UBE2G2: variants seen among roughly 807,000 people sequenced by gnomAD.
UBE2G2 encodes the protein ubiquitin-conjugating enzyme E2 G2.
A neutral mutation model predicts 23.0 loss-of-function variants in UBE2G2; 10 were observed. The ratio of observed to expected loss-of-function variants is 0.43; its 90% CI spans 0.27 to 0.74. UBE2G2 has a LOEUF of 0.74. Ranked by LOEUF, UBE2G2 falls within the 30% of genes least tolerant of loss-of-function variation. The probability of loss-of-function intolerance (pLI) is 0.19; values close to 1 mark genes in which losing one functional copy is unlikely to be tolerated. For synonymous variants in UBE2G2, 86 were observed against 81.3 expected, an observed-to-expected ratio of 1.06 and a Z score of -0.31; for missense variants, 150 against 218.3, an observed-to-expected ratio of 0.69 and a Z score of 1.97.
Position 44,771,134 on chromosome 21 carries a change from A to C in UBE2G2, c.*243T>G. 1 of 496,136 alleles carries C rather than the reference A, an allele frequency of 2.0e-6. No individual in the cohort carries two copies. Among genetic ancestry groups the C allele is most frequent in the Non-Finnish European group, 3.6e-6 (1 of 278,044 alleles). The allele number at this position is 496,136 out of a possible 1,614,324, so 30.7% of individuals were successfully genotyped here. On this transcript the variant is annotated 3_prime_UTR_variant, in exon 6 of 6. Coordinates refer to ENST00000345496, the MANE Select transcript of UBE2G2 (RefSeq NM_003343.6). The surrounding 1 kb of genome is among the most constrained non-coding windows in gnomAD (Gnocchi z 4.6). ...GTAGTGCTGACAGCTCTGATAATCT[A>C]CCTGAAGCCCTTTGTGAGGAATACT...
intron 1 of UBE2G2, 129 bp from the exon 2 acceptor site, chr21:44,788,224 G>A: frequency 1.2e-6 from 1 of 829,956 alleles, no homozygotes; most frequent in Non-Finnish European, 1.8e-6. Flanking sequence ...TGAAAATTCT[G>A]TTTGCCCAAA....
At chr21:44,780,618 G>C (rs903649958) in intron 3 of UBE2G2, among the ~76,000 whole-genome samples, 5 of 152,216 alleles carry the variant, frequency 3.3e-5, no homozygotes, top group African/African-American at 1.2e-4. Context: ...AGGCACGCTT[G>C]CAACAGCTCA....
At position 44,771,638 on chromosome 21, in the gene UBE2G2, C is replaced by T. The variant is rs1395855728; in HGVS notation, c.386-149G>A. On this transcript the variant is annotated intron_variant, in intron 5 of 5. Coordinates refer to ENST00000345496, the MANE Select transcript of UBE2G2 (RefSeq NM_003343.6). This position sits in a 1 kb window ranked among gnomAD's most constrained non-coding sequence, Gnocchi z 4.6. ...ACCTGAGAACTGCATGGGGTCGGCCCCACCTCTAGAGTGCTGGCCACGCAG... is the reference window on the plus strand; with the variant it reads ...ACCTGAGAACTGCATGGGGTCGGCCTCACCTCTAGAGTGCTGGCCACGCAG... 8.7e-6 allele frequency: 7 copies of T among 801,192 alleles called. No individual in the cohort carries two copies. The African/African-American group carries it at 1.0e-4, about 12-fold the overall frequency. The allele number at this position is 801,192 out of a possible 1,614,324, so 49.6% of individuals were successfully genotyped here.
At chr21:44,784,374 T>A (rs1266299723) in intron 3 of UBE2G2, among the ~76,000 whole-genome samples, 1 of 152,192 alleles carries the variant, frequency 6.6e-6, no homozygotes, top group Non-Finnish European at 1.5e-5. Context: ...TCTATATAGA[T>A]GCTCCATAAA....
chr21:44,799,586 AAG>A (rs2083119302), intron 1 of UBE2G2, among the ~76,000 whole-genome samples: 2 of 152,342 alleles, frequency 1.3e-5, no homozygotes, highest in Non-Finnish European at 2.9e-5. Context: ...CATAAAACTG[AAG>A]AGTTAGGACC....
chr21:44,794,934 T>A (rs191792119), intron 1 of UBE2G2, among the ~76,000 whole-genome samples: 6 of 152,304 alleles, frequency 3.9e-5, no homozygotes, highest in Admixed American at 3.9e-4. Flanking sequence ...ACACGTGAAA[T>A]GATGCTCAAC....
chr21:44,794,844 A>C (rs1463668136), intron 1 of UBE2G2, among the ~76,000 whole-genome samples: 1 of 152,138 alleles, frequency 6.6e-6, no homozygotes, highest in Non-Finnish European at 1.5e-5. Flanking sequence ...AAGAACTAAA[A>C]CTTAAGAAAA....
In UBE2G2 at chr21:44,777,428, T is replaced by TA. The variant is rs1569294398; in HGVS notation, c.126-12dup. The TA allele has an allele frequency of 6.2e-7, 1 of 1,610,770 alleles. No homozygotes were observed. ...GTGTCTTCTGGGCCCCTAGAAGATA[T>TA]AAAATACGTAGACTGAACTTCAAAG... On this transcript the variant is annotated splice_polypyrimidine_tract_variant and intron_variant, in intron 3 of 5. Transcript: ENST00000345496.
At chr21:44,787,175 C>T (rs1351385350) in intron 3 of UBE2G2, among the ~76,000 whole-genome samples, 2 of 151,870 alleles carry the variant, frequency 1.3e-5, no homozygotes, top group African/African-American at 4.8e-5. Flanking sequence ...TTTTATTTAA[C>T]CTCACTTTGC....
chr21:44,773,806 G>C, intron 4 of UBE2G2, 119 bp from the exon 5 acceptor site: 1 of 1,373,820 alleles, frequency 7.3e-7, no homozygotes, highest in Non-Finnish European at 9.8e-7. Context: ...CAAGCTGTTT[G>C]CACAGCTGGG....
chr21:44,791,581 C>T (rs188827076), intron 1 of UBE2G2, among the ~76,000 whole-genome samples: 139 of 152,358 alleles, frequency 9.1e-4, no homozygotes, highest in Non-Finnish European at 1.8e-3. Flanking sequence ...GGAACCTTCA[C>T]CTACATTTCA....
intron 1 of UBE2G2, chr21:44,800,680 C>G (rs1434404578): frequency 1.3e-5 from 2 of 152,200 alleles, no homozygotes; most frequent in Non-Finnish European, 2.9e-5. Context: ...TCTGCTTAAG[C>G]CAAACATCAA....
At chr21:44,788,375 C>T (rs1250018794) in intron 1 of UBE2G2, among the ~76,000 whole-genome samples, 11 of 151,348 alleles carry the variant, frequency 7.3e-5, no homozygotes, top group African/African-American at 2.4e-4. Context: ...CTGCAAGCTC[C>T]ACCTCCCAGG....
At chr21:44,801,299 C>T in intron 1 of UBE2G2, 1 of 1,024,008 alleles carries the variant, frequency 9.8e-7, no homozygotes, top group Non-Finnish European at 1.2e-6. Flanking sequence ...AAAGCTCCAC[C>T]AACGAGCCTT....
chr21:44,773,732 G>A (rs782115130), intron 4 of UBE2G2, 45 bp from the exon 5 acceptor site: 28 of 1,596,644 alleles, frequency 1.8e-5, no homozygotes, highest in East Asian at 4.5e-5. Context: ...AATGGTGCCC[G>A]AGGCATCGCC....
In UBE2G2 at chr21:44,794,593, G is replaced by A. The variant is rs189031395; in HGVS notation, c.44-6498C>T. Among the ~76,000 whole-genome samples, 310 of 148,092 alleles carry A rather than the reference G, an allele frequency of 2.1e-3. 1 individual carries two copies. The highest frequency in any genetic ancestry group is 7.3e-3 in the African/African-American group (293 of 40,058). ...TCTGTCACCCAGGCTGGAGTGCAGT[G>A]GCGTGATCTCGGCTCACTGCAAGCT... On this transcript the variant is annotated intron_variant, in intron 1 of 5. Transcript: ENST00000345496.
chr21:44,794,338 C>T (rs2083068495), intron 1 of UBE2G2, among the ~76,000 whole-genome samples: 1 of 152,146 alleles, frequency 6.6e-6, no homozygotes, highest in Admixed American at 6.5e-5. Context: ...TTATCTCATA[C>T]CATATGGAAA....
chr21:44,794,792 C>T (rs1251441953), intron 1 of UBE2G2, among the ~76,000 whole-genome samples: 3 of 152,162 alleles, frequency 2.0e-5, no homozygotes, highest in African/African-American at 7.2e-5. Context: ...CCTCAGCCCA[C>T]AAAGTGCTGG....
intron 5 of UBE2G2, among the ~76,000 whole-genome samples, chr21:44,773,047 C>T (rs1486187000): frequency 6.6e-6 from 1 of 152,118 alleles, no homozygotes; most frequent in Non-Finnish European, 1.5e-5. Context: ...CCCCAAAACC[C>T]CATTCCCTCC....
Sources: gnomAD v4.1 joint callset for allele counts (sites outside exome capture counted in the v4.1 genomes callset) on GRCh38, gnomAD v4.1.1 for gene constraint, Gnocchi (gnomAD v3.1) non-coding constraint, MANE v1.5 for transcripts, NCBI Gene and HGNC (gene_info 2026-07-23, HGNC 2026-07-21) for gene names.